LEMD3: variants seen among roughly 807,000 people sequenced by gnomAD.
LEMD3 encodes inner nuclear membrane protein Man1.
Under a neutral mutation model 95.2 loss-of-function variants are expected in LEMD3, and 33 were observed. That is an observed-to-expected ratio of 0.35 (90% CI 0.26 to 0.46). LEMD3 has a LOEUF of 0.46. LEMD3 is among the 20% of genes least tolerant of loss of function. The pLI, the probability that LEMD3 is intolerant of heterozygous loss-of-function variation, is 1.00. For synonymous variants in LEMD3, 525 were observed against 474.6 expected (o/e 1.11, Z -1.38); for missense variants, 1,210 against 1,192.8 (o/e 1.01, Z -0.21).
intron 1 of LEMD3, among the ~76,000 whole-genome samples, chr12:65,197,358 CCACTA>C (rs1314023638): frequency 1.3e-5 from 2 of 152,064 alleles, no homozygotes; most frequent in East Asian, 3.9e-4. Flanking sequence ...TTCTCTCACT[CCACTA>C]CAAGTAGAAG....
At chr12:65,244,819 T>G (rs1871047966) in intron 10 of LEMD3, among the ~76,000 whole-genome samples, 2 of 151,780 alleles carry the variant, frequency 1.3e-5, no homozygotes, top group Admixed American at 1.3e-4. Context: ...GAATTGGTGG[T>G]GTGTGCCTGT....
At chr12:65,203,155 A>T (rs1430771701) in intron 1 of LEMD3, among the ~76,000 whole-genome samples, 3 of 152,006 alleles carry the variant, frequency 2.0e-5, no homozygotes, top group Non-Finnish European at 4.4e-5. Flanking sequence ...TTCTTTTCTA[A>T]TTTATGCATT....
chr12:65,199,619 T>C (rs560770946), intron 1 of LEMD3, among the ~76,000 whole-genome samples: 1 of 152,150 alleles, frequency 6.6e-6, no homozygotes, highest in Non-Finnish European at 1.5e-5. Context: ...AAAAAAATTG[T>C]TACATTACAA....
intron 4 of LEMD3, among the ~76,000 whole-genome samples, chr12:65,227,877 G>C (rs558090038): frequency 1.3e-5 from 2 of 151,572 alleles, no homozygotes; most frequent in East Asian, 3.9e-4. Flanking sequence ...AAAAAAGACT[G>C]TACAAATTTA....
chr12:65,199,572 A>G (rs1325927372), intron 1 of LEMD3, among the ~76,000 whole-genome samples: 1 of 152,152 alleles, frequency 6.6e-6, no homozygotes, highest in Non-Finnish European at 1.5e-5. Flanking sequence ...ATGAATTTCT[A>G]AAAATAAGGC....
At chr12:65,205,748 C>T (rs1370487563) in intron 1 of LEMD3, among the ~76,000 whole-genome samples, 4 of 151,920 alleles carry the variant, frequency 2.6e-5, no homozygotes, top group Admixed American at 6.6e-5. Flanking sequence ...AAATTCAGAT[C>T]AATAGGTGGG....
At chr12:65,218,245 C>G (rs1641384866) in intron 3 of LEMD3, among the ~76,000 whole-genome samples, 1 of 152,086 alleles carries the variant, frequency 6.6e-6, no homozygotes, top group South Asian at 2.1e-4. Context: ...AGTTCCTATA[C>G]CAGCTTACAG....
chr12:65,201,141 C>T (rs972429157), intron 1 of LEMD3, among the ~76,000 whole-genome samples: 6 of 152,130 alleles, frequency 3.9e-5, no homozygotes, highest in African/African-American at 1.4e-4. Context: ...GCTCTCTGTT[C>T]TGTTTCACTG....
At chr12:65,222,114 G>A (rs73314758) in intron 4 of LEMD3, among the ~76,000 whole-genome samples, 2 of 152,204 alleles carry the variant, frequency 1.3e-5, no homozygotes, top group African/African-American at 4.8e-5. Flanking sequence ...CCTTTAATAT[G>A]TTGAGATAAT....
intron 1 of LEMD3, among the ~76,000 whole-genome samples, chr12:65,210,305 T>TA (rs1869898432): frequency 6.6e-6 from 1 of 152,126 alleles, no homozygotes; most frequent in Non-Finnish European, 1.5e-5. Context: ...GGTGGATTTT[T>TA]AAAAAATCAT....
chr12:65,229,194 G>T (rs979664007), intron 4 of LEMD3, among the ~76,000 whole-genome samples: 1 of 152,160 alleles, frequency 6.6e-6, no homozygotes, highest in African/African-American at 2.4e-5. Flanking sequence ...TGTTCTTCAA[G>T]TGCATCGGTG....
intron 3 of LEMD3, among the ~76,000 whole-genome samples, chr12:65,218,210 C>T (rs551062531): frequency 1.8e-4 from 27 of 152,232 alleles, no homozygotes; most frequent in African/African-American, 6.5e-4. Flanking sequence ...GTGCCAAGAT[C>T]TGTGGATAGG....
chr12:65,236,172 A>G (rs1870766742), intron 4 of LEMD3, among the ~76,000 whole-genome samples: 1 of 152,224 alleles, frequency 6.6e-6, no homozygotes, highest in Non-Finnish European at 1.5e-5. Context: ...AAAATACAAT[A>G]GGACACTTCT....
intron 4 of LEMD3, among the ~76,000 whole-genome samples, chr12:65,232,985 T>G (rs1356998947): frequency 6.6e-6 from 1 of 152,152 alleles, no homozygotes; most frequent in Non-Finnish European, 1.5e-5. Flanking sequence ...AAAGTCTGTG[T>G]GGAAAAATGA....
chr12:65,233,892 G>A (rs1199318628), intron 4 of LEMD3, among the ~76,000 whole-genome samples: 1 of 152,176 alleles, frequency 6.6e-6, no homozygotes, highest in Non-Finnish European at 1.5e-5. Flanking sequence ...GTTCATGGGG[G>A]TATGCGTGAG....
intron 1 of LEMD3, among the ~76,000 whole-genome samples, chr12:65,183,973 A>T (rs1346412175): frequency 2.0e-5 from 3 of 152,138 alleles, no homozygotes; most frequent in Non-Finnish European, 2.9e-5. Context: ...GTGGCGGCAG[A>T]TAAGGGAAAG....
In LEMD3 at chr12:65,181,766, A is replaced by T. The variant is rs78298268; in HGVS notation, c.1522+10648A>T. ...GTTTTATTTTTTGCAGGTTTTTAGG[A>T]GTAATTTTTAAAAAAGGAAGAGACA... On this transcript the variant is annotated intron_variant, in intron 1 of 12. Transcript: ENST00000308330. Among the ~76,000 whole-genome samples the T allele has an allele frequency of 1.4e-4, 22 of 152,262 alleles. 1 individual carries two copies. The East Asian group carries it at 2.1e-3, about 15-fold the overall frequency.
chr12:65,204,353 C>A (rs1043477655), intron 1 of LEMD3, among the ~76,000 whole-genome samples: 1 of 152,018 alleles, frequency 6.6e-6, no homozygotes, highest in African/African-American at 2.4e-5. Flanking sequence ...CTGACAGGTC[C>A]CAGTGTGGGT....
Position 65,241,088 on chromosome 12 carries a change from G to T in LEMD3, c.2305+1G>T. 6.2e-7 allele frequency: 1 copy of T among 1,612,768 alleles called. No individual in the cohort carries two copies. Among genetic ancestry groups the T allele is most frequent in the Non-Finnish European group, 8.5e-7 (1 of 1,178,876 alleles). ...CCTTCTAAAGTATGGCAAGGTCAAG[G>T]TATGTATTTTTAAACATCAAAAAAG... On this transcript the variant is annotated splice_donor_variant, in intron 9 of 12. Transcript: ENST00000308330. LOFTEE classifies it high-confidence loss of function.
Sources: allele counts gnomAD v4.1 joint callset (sites outside exome capture counted in the v4.1 genomes callset), GRCh38; gene constraint gnomAD v4.1.1; transcripts MANE v1.5; gene names NCBI Gene and HGNC (gene_info 2026-07-23, HGNC 2026-07-21).